SLC4A10: variants seen among roughly 807,000 people sequenced by gnomAD.
SLC4A10 encodes the protein solute carrier family 4 member 10, also known as sodium-driven chloride bicarbonate exchanger.
Under a neutral mutation model 137.7 loss-of-function variants are expected in SLC4A10, and 42 were observed. The ratio of observed to expected loss-of-function variants is 0.30; its 90% CI spans 0.24 to 0.39. The LOEUF is 0.39. Ranked by LOEUF, SLC4A10 falls within the 10% of genes least tolerant of loss-of-function variation. The pLI, the probability that SLC4A10 is intolerant of heterozygous loss-of-function variation, is 1.00. For synonymous variants in SLC4A10, 474 were observed against 464.1 expected, an observed-to-expected ratio of 1.02 and a Z score of -0.27; for missense variants, 925 against 1,355.0, an observed-to-expected ratio of 0.68 and a Z score of 4.98.
At position 161,816,266 on chromosome 2, in the gene SLC4A10, C is replaced by G. The variant is rs2057046051; in HGVS notation, c.277+11671C>G. ...AGAAAATATTTTGAAGATATTTCTG[C>G]AGGTGCCTCAAAATTCTTTGGAATT... On this transcript the variant is annotated intron_variant, in intron 3 of 26. Coordinates refer to ENST00000446997, the MANE Select transcript of SLC4A10 (RefSeq NM_001178015.2). 3.3e-5 allele frequency among the ~76,000 whole-genome samples: 5 copies of G among 152,072 alleles called. No individual in the cohort carries two copies. In the South Asian group the frequency reaches 1.0e-3, roughly 32 times the overall value.
At chr2:161,885,210 GAAAAAGA>G (rs1478608234) in intron 10 of SLC4A10, among the ~76,000 whole-genome samples, 2 of 151,186 alleles carry the variant, frequency 1.3e-5, no homozygotes, top group East Asian at 1.9e-4. Context: ...AAATAAGAAA[GAAAAAGA>G]AAAAAGAAAA....
chr2:161,960,381 A>AG (rs1696460468), intron 21 of SLC4A10, among the ~76,000 whole-genome samples: 2 of 148,582 alleles, frequency 1.3e-5, no homozygotes, highest in Non-Finnish European at 3.0e-5. Context: ...AAAAAAAAAA[A>AG]AAAAAGAAGA....
At chr2:161,788,295 C>T (rs924451759) in intron 2 of SLC4A10, among the ~76,000 whole-genome samples, 1 of 151,902 alleles carries the variant, frequency 6.6e-6, no homozygotes, top group Non-Finnish European at 1.5e-5. Flanking sequence ...GCAGAGGTCT[C>T]AGTAAACTTA....
At chr2:161,952,814 T>G (rs1295211102) in intron 19 of SLC4A10, among the ~76,000 whole-genome samples, 2 of 152,244 alleles carry the variant, frequency 1.3e-5, no homozygotes, top group Non-Finnish European at 2.9e-5. Context: ...GAGTGTGGTC[T>G]GATGCTACTG....
intron 2 of SLC4A10, among the ~76,000 whole-genome samples, chr2:161,787,182 T>C (rs1343251929): frequency 1.3e-5 from 2 of 152,126 alleles, no homozygotes; most frequent in East Asian, 1.9e-4. Context: ...TTATGAAGCT[T>C]AGTTAGGCAG....
chr2:161,707,531 A>G (rs2043816418), intron 1 of SLC4A10, among the ~76,000 whole-genome samples: 1 of 151,274 alleles, frequency 6.6e-6, no homozygotes, highest in African/African-American at 2.4e-5. Context: ...GTAAAGAGAA[A>G]GCATTTCCAA....
In SLC4A10 at chr2:161,964,223, A is replaced by C. The variant is rs1420314237; in HGVS notation, c.2951A>C (p.His984Pro). Residue 984 changes from histidine (H) to proline (P), a missense_variant, in exon 22 of 27, where the codon CAT (histidine) becomes CCT (proline). By Grantham distance (77) the His-to-Pro change is moderately conservative (BLOSUM62 -2). Transcript: ENST00000446997. ...AGGCACGTACCGCTTCGAAAAGTGCATCTCTTCACAATTATTCAGATGAGT... is the reference window on the plus strand; with the variant it reads ...AGGCACGTACCGCTTCGAAAAGTGCCTCTCTTCACAATTATTCAGATGAGT... Reference protein sequence around the residue: ...YLRHVPLRKVHLFTIIQMSCL... With the variant: ...YLRHVPLRKVPLFTIIQMSCL... 6.2e-7 allele frequency: 1 copy of C among 1,613,554 alleles called. No individual in the cohort carries two copies. The highest frequency in any genetic ancestry group is 8.5e-7 in the Non-Finnish European group (1 of 1,179,692).
chr2:161,626,768 G>A (rs776453163), intron 1 of SLC4A10, among the ~76,000 whole-genome samples: 4 of 152,066 alleles, frequency 2.6e-5, no homozygotes, highest in Admixed American at 6.6e-5. Context: ...TAGAATTTAG[G>A]TCATCTAAAA....
At chr2:161,730,981 G>T (rs114144293) in intron 1 of SLC4A10, among the ~76,000 whole-genome samples, 111 of 152,160 alleles carry the variant, frequency 7.3e-4, no homozygotes, top group Non-Finnish European at 1.1e-3. Context: ...AATAACAATT[G>T]GTGAATCATG....
intron 12 of SLC4A10, among the ~76,000 whole-genome samples, chr2:161,901,416 A>AT (rs1683080787): frequency 6.6e-6 from 1 of 152,138 alleles, no homozygotes; most frequent in South Asian, 2.1e-4. Context: ...ATATAGTGGT[A>AT]TTTTTTATTT....
rs141706339 is a variant in SLC4A10, at chr2:161,802,717, T to C, written c.131-1732T>C. ...CCTAAGATCAAGATGGCTAGCCAGG[T>C]GGGTCTCATTCTGAAGACTTTTCTC... On this transcript the variant is annotated intron_variant, in intron 2 of 26. Coordinates refer to ENST00000446997, the MANE Select transcript of SLC4A10 (RefSeq NM_001178015.2). Among the ~76,000 whole-genome samples the C allele has an allele frequency of 1.7e-3, 256 of 152,226 alleles. 1 individual carries two copies. The highest frequency in any genetic ancestry group is 6.0e-3 in the African/African-American group (248 of 41,558).
intron 1 of SLC4A10, among the ~76,000 whole-genome samples, chr2:161,634,457 C>T (rs1014045787): frequency 6.6e-6 from 1 of 151,714 alleles, no homozygotes; most frequent in Non-Finnish European, 1.5e-5. Context: ...ATATGAATTT[C>T]CTATTTCTCC....
At chr2:161,834,234 A>C (rs562846075) in intron 3 of SLC4A10, among the ~76,000 whole-genome samples, 409 of 152,318 alleles carry the variant, frequency 2.7e-3, no homozygotes, top group African/African-American at 9.3e-3. Context: ...CATTTAGTTG[A>C]GTACACAGCT....
At chr2:161,978,212 T>C (rs539548282) in intron 26 of SLC4A10, among the ~76,000 whole-genome samples, 13 of 151,594 alleles carry the variant, frequency 8.6e-5, no homozygotes, top group Admixed American at 5.9e-4. Context: ...TGGTGAAACC[T>C]TTTCTGTACT....
At chr2:161,804,697 T>C in intron 3 of SLC4A10, 102 bp downstream of exon 3, 1 of 1,117,354 alleles carries the variant, frequency 8.9e-7, no homozygotes, top group Non-Finnish European at 1.2e-6. Flanking sequence ...AAATTGTTTA[T>C]ACTTTTATAA....
At chr2:161,976,675 T>C in intron 24 of SLC4A10, 85 bp from the exon 25 acceptor site, 1 of 589,078 alleles carries the variant, frequency 1.7e-6, no homozygotes. Context: ...AGATATATGA[T>C]TGCCCTATAT....
At chr2:161,686,575 A>G (rs1030210651) in intron 1 of SLC4A10, among the ~76,000 whole-genome samples, 2 of 152,186 alleles carry the variant, frequency 1.3e-5, no homozygotes, top group Non-Finnish European at 2.9e-5. Flanking sequence ...TTCAAAGGAA[A>G]CAAATAATCA....
At chr2:161,909,368 TA>T (rs1685273869) in intron 15 of SLC4A10, among the ~76,000 whole-genome samples, 1 of 152,236 alleles carries the variant, frequency 6.6e-6, no homozygotes, top group Non-Finnish European at 1.5e-5. Context: ...ATCTAAAACC[TA>T]ATTCTTTCAA....
intron 2 of SLC4A10, among the ~76,000 whole-genome samples, chr2:161,792,117 A>G (rs1000893741): frequency 1.4e-4 from 21 of 152,082 alleles, no homozygotes; most frequent in African/African-American, 3.9e-4. Flanking sequence ...CTCACTCACT[A>G]TTTGGTATAT....
Sources: allele counts gnomAD v4.1 joint callset (sites outside exome capture counted in the v4.1 genomes callset), GRCh38; gene constraint gnomAD v4.1.1; transcripts MANE v1.5; gene names NCBI Gene and HGNC (gene_info 2026-07-23, HGNC 2026-07-21).